The following SMARCAD1 variants were observed in gnomAD, a reference collection of about 807,000 sequenced individuals.
SMARCAD1 encodes the protein SNF2 related chromatin remodeling ATPase with DExD box 1, also known as SWI/SNF-related matrix-associated actin-dependent regulator of chromatin subfamily A containing DEAD/H box 1.
Under a neutral mutation model 127.1 loss-of-function variants are expected in SMARCAD1, and 25 were observed. The observed-to-expected ratio is 0.20, with a 90% CI of 0.14 to 0.27. The LOEUF is 0.27. Ranked by LOEUF, SMARCAD1 falls within the 10% of genes least tolerant of loss-of-function variation. SMARCAD1 has a pLI of 1.00. For synonymous variants in SMARCAD1, 400 were observed against 396.9 expected (o/e 1.01, Z -0.09); for missense variants, 807 against 1,206.0 (o/e 0.67, Z 4.90).
chr4:94,290,537 C>CTT lies in SMARCAD1; in HGVS notation c.*1004_*1005dup, dbSNP rs1579407041. ...GGAAATAGGTCATTAACTTGAAACTCTTATCAAAATATATTTTACCAGTTT... is the reference window on the plus strand; with the variant it reads ...GGAAATAGGTCATTAACTTGAAACTCTTTTATCAAAATATATTTTACCAGTTT... On this transcript the variant is annotated 3_prime_UTR_variant, in exon 24 of 24. Transcript: ENST00000354268. The CTT allele has an allele frequency of 2.2e-6, 1 of 454,460 alleles. No homozygotes were observed. The highest frequency in any genetic ancestry group is 6.9e-4 in the Middle Eastern group (1 of 1,444). 28.2% of individuals were successfully genotyped at this position (454,460 alleles called of 1,614,324 possible). A position where few individuals can be genotyped will look rare whatever the true frequency, so the allele number is the denominator to read the frequency against.
At chr4:94,249,982 A>G (rs1339675275) in intron 7 of SMARCAD1, among the ~76,000 whole-genome samples, 1 of 152,030 alleles carries the variant, frequency 6.6e-6, no homozygotes, top group African/African-American at 2.4e-5. Flanking sequence ...ATTAAAAAAT[A>G]ACCGTAATAA....
chr4:94,214,759 T>C (rs1325998381), intron 2 of SMARCAD1, among the ~76,000 whole-genome samples: 1 of 152,134 alleles, frequency 6.6e-6, no homozygotes, highest in Admixed American at 6.5e-5. Flanking sequence ...TAGATTATTT[T>C]GGCATTGGCG....
Position 94,240,956 on chromosome 4 carries a change from G to A in SMARCAD1, c.655G>A (p.Glu219Lys). ...ATCTTCTTCTTCAGAGCCATATGAG[G>A]AAGATGAATTTAATGATGATCAATC... ...KLSSSSEPYE[E>K]DEFNDDQSIK... is the part of the protein sequence containing the mutation. Residue 219 changes from glutamate (E) to lysine (K), a missense_variant, in exon 6 of 24, where the codon GAA (glutamate) becomes AAA (lysine). Physicochemically the swap from Glu to Lys is moderately conservative, Grantham distance 56 (BLOSUM62 1). Around this residue, in one of 8 missense-constraint regions of SMARCAD1, gnomAD observed 48 missense variants for 90.8 expected, o/e 0.53. Transcript: ENST00000354268. 6.2e-7 allele frequency: 1 copy of A among 1,613,472 alleles called. No individual in the cohort carries two copies. The highest frequency in any genetic ancestry group is 1.3e-5 in the African/African-American group (1 of 75,032).
chr4:94,251,737 G>T (rs907149812), intron 8 of SMARCAD1, among the ~76,000 whole-genome samples: 4 of 152,104 alleles, frequency 2.6e-5, no homozygotes, highest in African/African-American at 9.7e-5. Flanking sequence ...TTTTCTCACT[G>T]GTACATAAAA....
Position 94,273,238 on chromosome 4 carries a change from CAT to C in SMARCAD1, c.1573-376_1573-375del, listed in dbSNP as rs1302236983. ...GGTAGAATTGCTGGGATAGATTAGG[CAT>C]ATGTTTCCTCCATTTAGTCATGGGA... is the stretch of plus-strand genomic sequence containing the variant. On this transcript the variant is annotated intron_variant, in intron 11 of 23. Coordinates refer to ENST00000354268, the MANE Select transcript of SMARCAD1 (RefSeq NM_020159.5). Among the ~76,000 whole-genome samples, 15 of 152,302 alleles carry C rather than the reference CAT, an allele frequency of 9.8e-5. No homozygotes were observed. In the East Asian group the frequency reaches 2.9e-3, roughly 29 times the overall value.
intron 3 of SMARCAD1, among the ~76,000 whole-genome samples, chr4:94,228,360 A>G (rs540525604): frequency 6.6e-6 from 1 of 152,332 alleles, no homozygotes; most frequent in Admixed American, 6.5e-5. Flanking sequence ...TACAATAACT[A>G]CTGAACACTT....
At chr4:94,208,155 A>G (rs1268731216) in intron 1 of SMARCAD1, 85 bp downstream of exon 1, 2 of 663,604 alleles carry the variant, frequency 3.0e-6, no homozygotes, top group African/African-American at 3.5e-5. Context: ...AGTGAAAAGC[A>G]ATGGAAAATT....
chr4:94,261,260 A>G (rs1446792617), intron 9 of SMARCAD1, among the ~76,000 whole-genome samples: 1 of 152,088 alleles, frequency 6.6e-6, no homozygotes, highest in African/African-American at 2.4e-5. Flanking sequence ...TGTGTGACTT[A>G]CATGTTAGGA....
At chr4:94,283,007 AAG>A in intron 21 of SMARCAD1, 112 bp from the exon 22 acceptor site, 1 of 828,110 alleles carries the variant, frequency 1.2e-6, no homozygotes. Context: ...CTGCAATACT[AAG>A]AGATGTACAT....
intron 9 of SMARCAD1, among the ~76,000 whole-genome samples, chr4:94,255,457 A>T (rs1749926036): frequency 1.3e-5 from 2 of 151,990 alleles, no homozygotes; most frequent in Admixed American, 1.3e-4. Context: ...AAGTAATTTG[A>T]ATGTGAAAAT....
In SMARCAD1 at chr4:94,207,971, C is replaced by G; in HGVS notation, c.-149C>G. On this transcript the variant is annotated 5_prime_UTR_variant, in exon 1 of 24. Coordinates refer to ENST00000354268, the MANE Select transcript of SMARCAD1 (RefSeq NM_020159.5). ...AGGCGCGGGCCCTGGCAGGTCCTTTCTCGAGGCAGGGGGCACGGTAGCACA... is the reference window on the plus strand; with the variant it reads ...AGGCGCGGGCCCTGGCAGGTCCTTTGTCGAGGCAGGGGGCACGGTAGCACA... The G allele has an allele frequency of 2.7e-6, 1 of 364,200 alleles. No homozygotes were observed. The highest frequency in any genetic ancestry group is 5.4e-6 in the Non-Finnish European group (1 of 185,590). The allele number at this position is 364,200 out of a possible 1,614,324, so 22.6% of individuals were successfully genotyped here.
chr4:94,245,567 A>G (rs1410088381), intron 6 of SMARCAD1, among the ~76,000 whole-genome samples: 1 of 152,208 alleles, frequency 6.6e-6, no homozygotes, highest in East Asian at 1.9e-4. Flanking sequence ...ACAGTGAGCT[A>G]CAACCTTCTG....
At chr4:94,211,875 C>T (rs1441484663) in intron 2 of SMARCAD1, among the ~76,000 whole-genome samples, 2 of 152,008 alleles carry the variant, frequency 1.3e-5, no homozygotes, top group Non-Finnish European at 2.9e-5. Context: ...GTGAAATAGC[C>T]ACCCACCCCA....
intron 2 of SMARCAD1, among the ~76,000 whole-genome samples, chr4:94,225,161 T>A (rs1744797645): frequency 6.6e-6 from 1 of 152,350 alleles, no homozygotes; most frequent in Admixed American, 6.5e-5. Flanking sequence ...ATACCAATCA[T>A]ACTAGTTTTC....
chr4:94,246,274 C>T (rs1748407775), intron 6 of SMARCAD1, among the ~76,000 whole-genome samples: 1 of 152,060 alleles, frequency 6.6e-6, no homozygotes, highest in South Asian at 2.1e-4. Context: ...TGCCTGCCAC[C>T]ACGCCTGGCT....
chr4:94,211,752 C>T (rs1324787315), intron 2 of SMARCAD1, among the ~76,000 whole-genome samples: 1 of 152,094 alleles, frequency 6.6e-6, no homozygotes, highest in East Asian at 1.9e-4. Context: ...TTCCAATTTG[C>T]TTTTTTGCCT....
intron 11 of SMARCAD1, among the ~76,000 whole-genome samples, chr4:94,271,469 A>G (rs1752528177): frequency 6.6e-6 from 1 of 152,218 alleles, no homozygotes; most frequent in Non-Finnish European, 1.5e-5. Flanking sequence ...GTGTATATTT[A>G]AAATGAGTCA....
At chr4:94,267,322 T>C (rs1751873531) in intron 10 of SMARCAD1, among the ~76,000 whole-genome samples, 1 of 152,208 alleles carries the variant, frequency 6.6e-6, no homozygotes, top group African/African-American at 2.4e-5. Context: ...TGAACATTTC[T>C]GTCACTACAG....
chr4:94,267,494 C>A (rs978134996), intron 10 of SMARCAD1, among the ~76,000 whole-genome samples: 1 of 152,096 alleles, frequency 6.6e-6, no homozygotes, highest in Admixed American at 6.5e-5. Flanking sequence ...ATCACATGTA[C>A]CCCTGTTGTT....
Sources: gnomAD v4.1 joint callset for allele counts (sites outside exome capture counted in the v4.1 genomes callset) on GRCh38, gnomAD v4.1.1 for gene constraint, gnomAD v4.1.1 regional missense constraint, MANE v1.5 for transcripts, NCBI Gene and HGNC (gene_info 2026-07-23, HGNC 2026-07-21) for gene names.